PER3: variants seen among roughly 807,000 people sequenced by gnomAD.
PER3 encodes the protein period circadian protein homolog 3.
A neutral mutation model predicts 127.2 loss-of-function variants in PER3; 107 were observed. That is an observed-to-expected ratio of 0.84 (90% CI 0.72 to 0.99). The LOEUF (loss-of-function observed/expected upper bound fraction) is 0.99. Ranked by LOEUF, PER3 falls within the 50% of genes least tolerant of loss-of-function variation. PER3 has a pLI of 0.00. For synonymous variants in PER3, 618 were observed against 585.8 expected, an observed-to-expected ratio of 1.05 and a Z score of -0.79; for missense variants, 1,560 against 1,525.8, an observed-to-expected ratio of 1.02 and a Z score of -0.37.
At chr1:7,799,496 C>T (rs1398018308) in intron 7 of PER3, among the ~76,000 whole-genome samples, 3 of 151,388 alleles carry the variant, frequency 2.0e-5, no homozygotes, top group African/African-American at 7.3e-5. Context: ...CCCAGCTACT[C>T]AGGAGGCTGA....
chr1:7,796,196 G>A (rs1468097946), intron 6 of PER3, among the ~76,000 whole-genome samples: 2 of 152,140 alleles, frequency 1.3e-5, no homozygotes, highest in African/African-American at 4.8e-5. Context: ...GTTCCTTTTG[G>A]TGGGAAATGG....
intron 6 of PER3, among the ~76,000 whole-genome samples, chr1:7,795,811 T>G (rs150250435): frequency 6.6e-6 from 1 of 152,362 alleles, no homozygotes; most frequent in Non-Finnish European, 1.5e-5. Context: ...GATAATGTAA[T>G]GAACTGCTGC....
At chr1:7,824,204 C>A (rs1369793656) in intron 16 of PER3, among the ~76,000 whole-genome samples, 1 of 152,036 alleles carries the variant, frequency 6.6e-6, no homozygotes, top group East Asian at 1.9e-4. Flanking sequence ...TCTAAAGTTA[C>A]AGTTTTAAAA....
chr1:7,809,759 G>A (rs2097210834), intron 11 of PER3, 134 bp from the exon 12 acceptor site: 3 of 814,334 alleles, frequency 3.7e-6, no homozygotes, highest in Non-Finnish European at 5.7e-6. Context: ...AGCATTAAAA[G>A]TACCAACCTG....
At chr1:7,835,198 T>C (rs775022311) in intron 19 of PER3, among the ~76,000 whole-genome samples, 7 of 152,118 alleles carry the variant, frequency 4.6e-5, no homozygotes, top group Admixed American at 2.6e-4. Flanking sequence ...TGATGGTGCA[T>C]TTGAGGTTGG....
rs1342660468 is a variant in PER3 at position 7,819,311 on chromosome 1, C to T, written c.1549C>T (p.His517Tyr). ...GGECKTFTSF[H>Y]QTLKNNSVYT... is the part of the protein sequence containing the mutation. ...TGAATGTAAGACCTTTACTTCCTTC[C>T]ACCAAACACTGAAAAACAATAGTGT... Residue 517 changes from histidine to tyrosine, a missense_variant, in exon 14 of 22, where the codon CAC becomes TAC. Physicochemically the swap from His to Tyr is moderately conservative, Grantham distance 83. This residue lies in a region of PER3 where 1,332 missense variants were observed against 1,223.6 expected (regional missense o/e 1.09). Coordinates refer to ENST00000377532, the MANE Select transcript of PER3 (RefSeq NM_001377275.1). The T allele has an allele frequency of 1.9e-6, 3 of 1,613,448 alleles. No individual in the cohort carries two copies. In the East Asian group the frequency reaches 6.7e-5, roughly 36 times the overall value.
At chr1:7,841,852 C>T (rs1219301849) in intron 21 of PER3, among the ~76,000 whole-genome samples, 1 of 152,092 alleles carries the variant, frequency 6.6e-6, no homozygotes, top group East Asian at 1.9e-4. Context: ...AAAAATGAGC[C>T]CCACAGCAAT....
intron 21 of PER3, among the ~76,000 whole-genome samples, chr1:7,841,036 T>C (rs1300096327): frequency 6.6e-6 from 1 of 152,242 alleles, no homozygotes. Context: ...GTGTCCAATC[T>C]TTTGGCTTCC....
intron 10 of PER3, 110 bp from the exon 11 acceptor site, chr1:7,808,783 C>CA: frequency 1.5e-6 from 1 of 664,254 alleles, no homozygotes; most frequent in East Asian, 2.8e-5. Flanking sequence ...TCTTTGGAGT[C>CA]AAAGAATTGT....
At chr1:7,793,279 T>A (rs890800549) in intron 5 of PER3, among the ~76,000 whole-genome samples, 4 of 152,152 alleles carry the variant, frequency 2.6e-5, no homozygotes, top group African/African-American at 4.8e-5. Context: ...TCCCCTCATC[T>A]CCTAAGGCAA....
chr1:7,806,813 AT>A (rs377494781), intron 10 of PER3, among the ~76,000 whole-genome samples: 765 of 44,040 alleles, frequency 0.017, 7 homozygotes, highest in African/African-American at 0.041. Context: ...AAAAAAAAAA[AT>A]ATATATATAT....
Position 7,837,837 on chromosome 1 carries a change from G to A in PER3, c.3549+688G>A, listed in dbSNP as rs114552357. On this transcript the variant is annotated intron_variant, in intron 21 of 21. Transcript: ENST00000377532. ...GTCTGTAATCCCAGCACTTTGGGAGGCCAAGGTGAGAGGATCAGGAGTTGG... is the reference window on the plus strand; with the variant it reads ...GTCTGTAATCCCAGCACTTTGGGAGACCAAGGTGAGAGGATCAGGAGTTGG... Among the ~76,000 whole-genome samples the A allele has an allele frequency of 9.1e-3, 1,389 of 152,336 alleles. 11 individuals carry two copies. The highest frequency in any genetic ancestry group is 0.015 in the Non-Finnish European group (1,034 of 68,034).
intron 5 of PER3, among the ~76,000 whole-genome samples, chr1:7,792,520 T>A (rs959864652): frequency 6.6e-6 from 1 of 152,256 alleles, no homozygotes; most frequent in African/African-American, 2.4e-5. Context: ...AGGCACGATA[T>A]AATTCTAGTT....
intron 7 of PER3, among the ~76,000 whole-genome samples, chr1:7,800,600 TTTG>T (rs2097166495): frequency 6.6e-6 from 1 of 152,130 alleles, no homozygotes; most frequent in Non-Finnish European, 1.5e-5. Flanking sequence ...AGTATTTTCG[TTTG>T]TTTAGTTATA....
At chr1:7,801,092 T>A in intron 7 of PER3, 21 bp from the exon 8 acceptor site, 2 of 1,107,316 alleles carry the variant, frequency 1.8e-6, no homozygotes, top group Non-Finnish European at 2.7e-6. Context: ...TTTAAATGGG[T>A]CTTTGTTTTT....
rs1285502448 is a variant in PER3 at position 7,830,010 on chromosome 1, G to A, written c.3063G>A (p.Ser1021=). Residue 1021 remains serine (S), a synonymous_variant, in exon 19 of 22, where the codon TCG becomes TCA. Transcript: ENST00000377532. The part of the protein sequence containing the change: ...HPTASALSTG[S]PPMKNPSHPT... The stretch of plus-strand genomic sequence containing the variant: ...CTGCCAGCGCTCTGTCCACAGGATC[G>A]CCTCCCATGAAGAATCCATCCCATC... 1.9e-6 allele frequency: 3 copies of A among 1,604,976 alleles called. No individual in the cohort carries two copies. The highest frequency in any genetic ancestry group is 1.4e-5 in the African/African-American group (1 of 72,712).
At chr1:7,805,162 C>T (rs779336991) in intron 10 of PER3, among the ~76,000 whole-genome samples, 4 of 152,196 alleles carry the variant, frequency 2.6e-5, no homozygotes, top group African/African-American at 4.8e-5. Flanking sequence ...GCCATCACGC[C>T]CAACCCTGTG....
chr1:7,813,109 T>C (rs2097228185), intron 13 of PER3, among the ~76,000 whole-genome samples: 1 of 152,160 alleles, frequency 6.6e-6, no homozygotes. Flanking sequence ...TATGAGTTAA[T>C]ATGGGAGGGC....
chr1:7,815,621 A>C (rs1203486607), intron 13 of PER3, among the ~76,000 whole-genome samples: 1 of 152,190 alleles, frequency 6.6e-6, no homozygotes, highest in Non-Finnish European at 1.5e-5. Flanking sequence ...AAAATCCTCA[A>C]ATGTTCAGAA....
Sources: gnomAD v4.1 joint callset for allele counts (sites outside exome capture counted in the v4.1 genomes callset) on GRCh38, gnomAD v4.1.1 for gene constraint, gnomAD v4.1.1 regional missense constraint, MANE v1.5 for transcripts, NCBI Gene and HGNC (gene_info 2026-07-23, HGNC 2026-07-21) for gene names.